The following CARMIL3 variants were observed in gnomAD, a reference collection of about 807,000 sequenced individuals.
The protein encoded by CARMIL3 is capping protein, Arp2/3 and myosin-I linker protein 3.
A neutral mutation model predicts 180.8 loss-of-function variants in CARMIL3; 88 were observed. The observed-to-expected ratio is 0.49, with a 90% CI of 0.41 to 0.58. The LOEUF is 0.58. Among genes scored for constraint, CARMIL3 ranks in the 20% least tolerant of loss-of-function variants. CARMIL3 has a pLI of 0.00. For missense variants in CARMIL3, 1,548 were observed against 1,787.0 expected (o/e 0.87, Z 2.41); for synonymous variants, 696 against 714.5 (o/e 0.97, Z 0.41).
chr14:24,068,578 C>T lies in CARMIL3; in HGVS notation c.3683-6C>T. 6.2e-7 allele frequency: 1 copy of T among 1,601,200 alleles called. No individual in the cohort carries two copies. The highest frequency in any genetic ancestry group is 8.5e-7 in the Non-Finnish European group (1 of 1,171,372). ...TCCTGCAGCTTCTCCTCTCTCTCATCCCCAGCTGAAGAGAGTGCCCCCAAC... is the reference window on the plus strand; with the variant it reads ...TCCTGCAGCTTCTCCTCTCTCTCATTCCCAGCTGAAGAGAGTGCCCCCAAC... On this transcript the variant is annotated splice_region_variant and splice_polypyrimidine_tract_variant and intron_variant, in intron 36 of 39. Transcript: ENST00000342740.
Position 24,054,617 on chromosome 14 carries a change from A to G in CARMIL3, c.363-94A>G. 6.7e-7 allele frequency: 1 copy of G among 1,495,332 alleles called. No individual in the cohort carries two copies. The highest frequency in any genetic ancestry group is 9.2e-7 in the Non-Finnish European group (1 of 1,091,006). 92.6% of individuals were successfully genotyped at this position (1,495,332 alleles called of 1,614,324 possible). A position where few individuals can be genotyped will look rare whatever the true frequency, so the allele number is the denominator to read the frequency against. On this transcript the variant is annotated intron_variant, in intron 5 of 39. Coordinates refer to ENST00000342740, the MANE Select transcript of CARMIL3 (RefSeq NM_138360.4). The surrounding 1 kb of genome is among the most constrained non-coding windows in gnomAD (Gnocchi z 5.1). The stretch of plus-strand genomic sequence containing the variant: ...TGAGAAGGAGAGCTCTCATGTCCCC[A>G]CTCCTGGTTTTTCCTGGGATGCAGG...
At position 24,059,529 on chromosome 14, in the gene CARMIL3, A is replaced by G; in HGVS notation, c.1799+87A>G. The G allele has an allele frequency of 1.3e-6, 2 of 1,519,258 alleles. No individual in the cohort carries two copies. The highest frequency in any genetic ancestry group is 2.4e-5 in the South Asian group (2 of 82,108). 94.1% of individuals were successfully genotyped at this position (1,519,258 alleles called of 1,614,324 possible). On this transcript the variant is annotated intron_variant, in intron 21 of 39. Transcript: ENST00000342740. The surrounding 1 kb of genome is among the most constrained non-coding windows in gnomAD (Gnocchi z 6.3). The stretch of plus-strand genomic sequence containing the variant: ...CTCCCTGCTTTCCTTGATGCTCTGG[A>G]CCCCAGCTTCCAGAAGACCCCCAGC...
intron 24 of CARMIL3, 43 bp downstream of exon 24, chr14:24,060,298 C>T: frequency 6.3e-7 from 1 of 1,599,724 alleles, no homozygotes; most frequent in Non-Finnish European, 8.6e-7. Context: ...CCGGGGCATG[C>T]AGGGCACAGT....
At position 24,061,834 on chromosome 14, in the gene CARMIL3, G is replaced by T; in HGVS notation, c.2480+162G>T. On this transcript the variant is annotated intron_variant, in intron 27 of 39. Transcript: ENST00000342740. This position sits in a 1 kb window ranked among gnomAD's most constrained non-coding sequence, Gnocchi z 4.1. ...AACCTTGCTATTTAGGGTCTGGCTGGTCTTTGCCCTAGAAATCTAAGTGCT... is the reference window on the plus strand; with the variant it reads ...AACCTTGCTATTTAGGGTCTGGCTGTTCTTTGCCCTAGAAATCTAAGTGCT... 5.8e-6 allele frequency: 5 copies of T among 868,898 alleles called. No homozygotes were observed. Among genetic ancestry groups the T allele is most frequent in the South Asian group, 1.8e-5 (1 of 54,318 alleles). 53.8% of individuals were successfully genotyped at this position (868,898 alleles called of 1,614,324 possible).
rs202041364 is a variant in CARMIL3, at chr14:24,058,158, G to T, written c.1326G>T (p.Ala442=). ...ATKLPLEALR[A]LLQGLSLNSH... is the part of the protein sequence containing the mutation. Reference sequence around the variant, plus strand: ...CCTGCTGACCTCCCTCCCACAGGGCGCTGCTTCAGGGCCTCTCCCTCAACA... The same window carrying T: ...CCTGCTGACCTCCCTCCCACAGGGCTCTGCTTCAGGGCCTCTCCCTCAACA... Residue 442 remains alanine, a synonymous_variant, in exon 17 of 40, where the codon GCG becomes GCT. Transcript: ENST00000342740. This position sits in a 1 kb window ranked among gnomAD's most constrained non-coding sequence, Gnocchi z 6.4. 37 of 1,613,834 alleles carry T rather than the reference G, an allele frequency of 2.3e-5. No homozygotes were observed. Among genetic ancestry groups the T allele is most frequent in the Non-Finnish European group, 3.1e-5 (36 of 1,179,994 alleles).
At chr14:24,056,811 G>A in intron 12 of CARMIL3, 103 bp downstream of exon 12, 3 of 1,519,472 alleles carry the variant, frequency 2.0e-6, no homozygotes, top group South Asian at 1.1e-5. Flanking sequence ...CCTCAGGGAT[G>A]GAAGAGTGAA....
chr14:24,056,463 G>T, intron 11 of CARMIL3, 70 bp downstream of exon 11: 1 of 1,531,972 alleles, frequency 6.5e-7, no homozygotes, highest in South Asian at 1.1e-5. Flanking sequence ...GCCCAACCAG[G>T]TCTGAACAGC....
intron 36 of CARMIL3, 48 bp downstream of exon 36, chr14:24,066,704 G>T: frequency 2.5e-6 from 4 of 1,591,614 alleles, no homozygotes; most frequent in Non-Finnish European, 3.4e-6. Flanking sequence ...CCCAGGGTGT[G>T]TCCAAAGAAA....
rs557492173 is a variant in CARMIL3 at position 24,055,091 on chromosome 14, T to G, written c.486T>G (p.Ala162=). The change falls in exon 7 of 40, where the codon GCT becomes GCG. Residue 162 remains alanine (A), a synonymous_variant. Transcript: ENST00000342740. The stretch of plus-strand genomic sequence containing the variant: ...GTGGCTTCTCTGAGACCTACGCTGC[T>G]CTGTGTGACTACAATGGGCTACACT... ...VCGGFSETYA[A]LCDYNGLHCR... 1.7e-5 allele frequency: 28 copies of G among 1,613,588 alleles called. No individual in the cohort carries two copies. The highest frequency in any genetic ancestry group is 2.4e-5 in the Non-Finnish European group (28 of 1,180,022).
In CARMIL3 at chr14:24,069,541, C is replaced by T. The variant is rs1036552272; in HGVS notation, c.*137C>T. On this transcript the variant is annotated 3_prime_UTR_variant, in exon 40 of 40. Transcript: ENST00000342740. ...GACGGCAGGACCAGGCATGGGGGAG[C>T]TGGAGGCAGGGACTAGAACAGAGGG... 8.6e-6 allele frequency: 10 copies of T among 1,162,130 alleles called. No homozygotes were observed. Among genetic ancestry groups the T allele is most frequent in the Non-Finnish European group, 1.2e-5 (10 of 819,254 alleles). The allele number at this position is 1,162,130 out of a possible 1,614,324, so 72.0% of individuals were successfully genotyped here.
chr14:24,054,574 CT>C lies in CARMIL3; in HGVS notation c.362+65del. On this transcript the variant is annotated intron_variant, in intron 5 of 39. Coordinates refer to ENST00000342740, the MANE Select transcript of CARMIL3 (RefSeq NM_138360.4). The surrounding 1 kb of genome is among the most constrained non-coding windows in gnomAD (Gnocchi z 5.1). ...GAGAGGGAGAGTTCATCCCTTCCTC[CT>C]TCCCCTGGGCCAGGGCTGAGAAGGA... 6.4e-7 allele frequency: 1 copy of C among 1,551,212 alleles called. No homozygotes were observed. Among genetic ancestry groups the C allele is most frequent in the Non-Finnish European group, 8.8e-7 (1 of 1,130,888 alleles).
In CARMIL3 at chr14:24,054,631, C is replaced by T; in HGVS notation, c.363-80C>T. On this transcript the variant is annotated intron_variant, in intron 5 of 39. Transcript: ENST00000342740. The surrounding 1 kb of genome is among the most constrained non-coding windows in gnomAD (Gnocchi z 5.1). ...CTCATGTCCCCACTCCTGGTTTTTC[C>T]TGGGATGCAGGAGCTATAACGTGGG... 4.6e-6 allele frequency: 7 copies of T among 1,519,310 alleles called. No homozygotes were observed. In the South Asian group the frequency reaches 5.9e-5, roughly 13 times the overall value. The allele number at this position is 1,519,310 out of a possible 1,614,324, so 94.1% of individuals were successfully genotyped here. A position where few individuals can be genotyped will look rare whatever the true frequency, so the allele number is the denominator to read the frequency against.
intron 29 of CARMIL3, 49 bp from the exon 30 acceptor site, chr14:24,063,071 T>C: frequency 6.3e-7 from 1 of 1,598,378 alleles, no homozygotes; most frequent in South Asian, 1.1e-5. Context: ...GAGGAATGGA[T>C]GGCTCTGGGT....
chr14:24,066,093 C>G (rs767278985), intron 34 of CARMIL3, among the ~76,000 whole-genome samples: 3 of 152,144 alleles, frequency 2.0e-5, no homozygotes, highest in African/African-American at 4.8e-5. Context: ...ATTAACTCAC[C>G]TTTTTTTAAC....
In CARMIL3 at chr14:24,069,555, T is replaced by C; in HGVS notation, c.*151T>C. 1.0e-6 allele frequency: 1 copy of C among 984,394 alleles called. No homozygotes were observed. The highest frequency in any genetic ancestry group is 1.5e-6 in the Non-Finnish European group (1 of 669,380). 61.0% of individuals were successfully genotyped at this position (984,394 alleles called of 1,614,324 possible). Reference sequence around the variant, plus strand: ...GCATGGGGGAGCTGGAGGCAGGGACTAGAACAGAGGGAGCCACCTGGAGAG... The same window carrying C: ...GCATGGGGGAGCTGGAGGCAGGGACCAGAACAGAGGGAGCCACCTGGAGAG... On this transcript the variant is annotated 3_prime_UTR_variant, in exon 40 of 40. Coordinates refer to ENST00000342740, the MANE Select transcript of CARMIL3 (RefSeq NM_138360.4).
intron 32 of CARMIL3, 59 bp from the exon 33 acceptor site, chr14:24,064,899 A>T: frequency 6.5e-7 from 1 of 1,550,336 alleles, no homozygotes; most frequent in Non-Finnish European, 8.8e-7. Flanking sequence ...CAGGTTTATC[A>T]GACCCAGGAT....
rs1445636037 is a variant in CARMIL3 at position 24,060,675 on chromosome 14, G to A, written c.2109G>A (p.Leu703=). The change falls in exon 25 of 40, where the codon CTG becomes CTA. Residue 703 remains leucine, a synonymous_variant. Coordinates refer to ENST00000342740, the MANE Select transcript of CARMIL3 (RefSeq NM_138360.4). Reference sequence around the variant, plus strand: ...GAGTGCAGGAGGAGGTGCGGGCCCTGAGACTATGCCCCCTGGAGCCTGTGC... The same window carrying A: ...GAGTGCAGGAGGAGGTGCGGGCCCTAAGACTATGCCCCCTGGAGCCTGTGC... ...CGRVQEEVRA[L]RLCPLEPVQD... 3.7e-6 allele frequency: 6 copies of A among 1,613,896 alleles called. No individual in the cohort carries two copies. Among genetic ancestry groups the A allele is most frequent in the Middle Eastern group, 3.3e-4 (2 of 6,082 alleles).
chr14:24,063,608 C>T (rs2035755844), intron 31 of CARMIL3, 75 bp downstream of exon 31: 1 of 1,423,870 alleles, frequency 7.0e-7, no homozygotes, highest in African/African-American at 1.4e-5. Context: ...CCTTTAGGAC[C>T]CAAATGCCAG....
In CARMIL3 at chr14:24,068,695, A is replaced by G; in HGVS notation, c.3794A>G (p.Asn1265Ser). The G allele has an allele frequency of 6.2e-7, 1 of 1,613,650 alleles. No individual in the cohort carries two copies. Among genetic ancestry groups the G allele is most frequent in the Non-Finnish European group, 8.5e-7 (1 of 1,179,754 alleles). The change falls in exon 37 of 40, where the codon AAT becomes AGT. Residue 1265 changes from asparagine to serine, a missense_variant. Around this residue, in one of 4 missense-constraint regions of CARMIL3, gnomAD observed 668 missense variants for 687.8 expected, o/e 0.97. Transcript: ENST00000342740. ...CCAGAGAGGACACTTCCAGCTAGGA[A>G]TGCCAAGGTGAGAGCTGGCAAGATG... ...LFPERTLPAR[N>S]AKLQDPALAP...
Sources: allele counts gnomAD v4.1 joint callset (sites outside exome capture counted in the v4.1 genomes callset), GRCh38; gene constraint gnomAD v4.1.1; regional missense constraint gnomAD v4.1.1; non-coding constraint Gnocchi (gnomAD v3.1); transcripts MANE v1.5; gene names NCBI Gene and HGNC (gene_info 2026-07-23, HGNC 2026-07-21).